Variants in BRAF observed in about 807,000 individuals in gnomAD.
BRAF encodes the protein B-Raf proto-oncogene, serine/threonine kinase.
Under a neutral mutation model 104.6 loss-of-function variants are expected in BRAF, and 16 were observed. The observed-to-expected ratio is 0.15, with a 90% CI of 0.10 to 0.23. The LOEUF (loss-of-function observed/expected upper bound fraction) is 0.23. Ranked by LOEUF, BRAF falls within the 10% of genes least tolerant of loss-of-function variation. The pLI is 1.00. For synonymous variants in BRAF, 310 were observed against 341.6 expected (o/e 0.91, Z 1.02); for missense variants, 541 against 937.3 (o/e 0.58, Z 5.52).
At chr7:140,734,838 G>C (rs1445297894) in intron 18 of BRAF, 68 bp from the exon 18 acceptor site, 3 of 1,303,148 alleles carry the variant, frequency 2.3e-6, no homozygotes, top group Non-Finnish European at 2.0e-6. Flanking sequence ...GAAAGAAAAA[G>C]AAAAAACAGA....
rs781235198 is a variant in BRAF, at chr7:140,724,047, C to T, written c.*2447G>A. 8.2e-5 allele frequency: 86 copies of T among 1,047,716 alleles called. No homozygotes were observed. Among genetic ancestry groups the T allele is most frequent in the Non-Finnish European group, 9.6e-5 (83 of 868,268 alleles). The allele number at this position is 1,047,716 out of a possible 1,614,324, so 64.9% of individuals were successfully genotyped here. ...CTATAAAAATCTCAATATGCTAAGC[C>T]TGGCTCCTGGGCACAGCTTCATTTG... On this transcript the variant is annotated 3_prime_UTR_variant, in exon 20 of 20. Transcript: ENST00000644969.
intron 14 of BRAF, among the ~76,000 whole-genome samples, chr7:140,769,429 T>C (rs1213239996): frequency 1.3e-5 from 2 of 152,226 alleles, no homozygotes; most frequent in Non-Finnish European, 2.9e-5. Flanking sequence ...ATAATCACTA[T>C]GTTACTTGAT....
intron 7 of BRAF, among the ~76,000 whole-genome samples, chr7:140,795,390 C>A: frequency 6.6e-6 from 1 of 152,170 alleles, no homozygotes; most frequent in South Asian, 2.1e-4. Context: ...TTAACTCCAT[C>A]AGGACCAATG....
At chr7:140,830,668 C>G (rs955492622) in intron 3 of BRAF, among the ~76,000 whole-genome samples, 1 of 152,070 alleles carries the variant, frequency 6.6e-6, no homozygotes, top group African/African-American at 2.4e-5. Flanking sequence ...GTGGGGAGGT[C>G]GTGGAGATTG....
At chr7:140,789,875 C>T (rs1256849402) in intron 8 of BRAF, among the ~76,000 whole-genome samples, 3 of 152,234 alleles carry the variant, frequency 2.0e-5, no homozygotes, top group Admixed American at 6.5e-5. Context: ...GGATTACAGG[C>T]GCCTGCCACC....
At position 140,760,829 on chromosome 7, in the gene BRAF, A is replaced by G. The variant is rs542570069; in HGVS notation, c.1815-6596T>C. The stretch of plus-strand genomic sequence containing the variant: ...ATGAATGAAATGAAGCGAGAAGGGA[A>G]GTTTAGAGAAAAAAGAATAAAAAGA... On this transcript the variant is annotated intron_variant, in intron 14 of 19. Transcript: ENST00000644969. 3.3e-5 allele frequency among the ~76,000 whole-genome samples: 5 copies of G among 152,284 alleles called. No homozygotes were observed. In the East Asian group the frequency reaches 7.7e-4, roughly 23 times the overall value.
chr7:140,805,233 G>C (rs1803538998), intron 5 of BRAF, among the ~76,000 whole-genome samples: 1 of 152,160 alleles, frequency 6.6e-6, no homozygotes, highest in Non-Finnish European at 1.5e-5. Context: ...AGTTTTAAAA[G>C]TGACTCTTAT....
intron 14 of BRAF, among the ~76,000 whole-genome samples, chr7:140,763,795 G>T (rs1235021547): frequency 6.6e-6 from 1 of 152,184 alleles, no homozygotes; most frequent in Non-Finnish European, 1.5e-5. Context: ...TCAAATTGTG[G>T]CAGTAATCAA....
rs1491144641 is a variant in BRAF, at chr7:140,793,503, A to AAT, written c.1140+804_1140+805insAT. ...CTAAAATTACAAAATTAAAATTTAT[A>AAT]AGTTTTTCTTTTATATTAATATTTA... On this transcript the variant is annotated intron_variant, in intron 8 of 19. Transcript: ENST00000644969. Among the ~76,000 whole-genome samples the AAT allele has an allele frequency of 1.1e-4, 16 of 152,008 alleles. No homozygotes were observed. In the South Asian group the frequency reaches 1.5e-3, roughly 14 times the overall value.
chr7:140,856,673 GATAA>G (rs1338205500), intron 1 of BRAF, among the ~76,000 whole-genome samples: 1 of 152,158 alleles, frequency 6.6e-6, no homozygotes, highest in East Asian at 1.9e-4. Flanking sequence ...AAAAGGCAGA[GATAA>G]ATGAATGGAA....
At chr7:140,866,745 G>A (rs1472068899) in intron 1 of BRAF, among the ~76,000 whole-genome samples, 1 of 151,906 alleles carries the variant, frequency 6.6e-6, no homozygotes, top group Non-Finnish European at 1.5e-5. Flanking sequence ...GCATGACCTA[G>A]TGTAAGTAAT....
intron 19 of BRAF, among the ~76,000 whole-genome samples, chr7:140,728,659 T>C (rs1279917776): frequency 6.6e-6 from 1 of 152,200 alleles, no homozygotes; most frequent in Non-Finnish European, 1.5e-5. Flanking sequence ...ACAAACATTC[T>C]TACTATTGTT....
intron 1 of BRAF, among the ~76,000 whole-genome samples, chr7:140,913,588 T>G (rs947119954): frequency 6.9e-6 from 1 of 144,420 alleles, no homozygotes; most frequent in Middle Eastern, 3.6e-3. Flanking sequence ...ATTGAAGCGA[T>G]TCTCTTGCCT....
chr7:140,924,654 G>C lies in BRAF; in HGVS notation c.50C>G (p.Ala17Gly). The C allele has an allele frequency of 7.2e-7, 1 of 1,397,084 alleles. No individual in the cohort carries two copies. Among genetic ancestry groups the C allele is most frequent in the Non-Finnish European group, 9.7e-7 (1 of 1,029,948 alleles). 86.5% of individuals were successfully genotyped at this position (1,397,084 alleles called of 1,614,324 possible). ...GGGGGAEPGQ[A>G]LFNGDMEPEA... ...GGGCTCCATGTCCCCGTTGAACAGA[G>C]CCTGGCCCGGCTCCGCGCCGCCACC... The change falls in exon 1 of 20, where the codon GCT (alanine) becomes GGT (glycine). Residue 17 changes from alanine to glycine, a missense_variant. By Grantham distance (60) the Ala-to-Gly change is moderately conservative. Around this residue, in one of 10 missense-constraint regions of BRAF, gnomAD observed 82 missense variants for 65.9 expected, o/e 1.24. Coordinates refer to ENST00000644969, the MANE Select transcript of BRAF (RefSeq NM_001374258.1). This position sits in a 1 kb window ranked among gnomAD's most constrained non-coding sequence, Gnocchi z 4.2.
intron 1 of BRAF, among the ~76,000 whole-genome samples, chr7:140,921,218 T>C (rs1818186824): frequency 6.6e-6 from 1 of 152,172 alleles, no homozygotes; most frequent in African/African-American, 2.4e-5. Flanking sequence ...TATTATACCA[T>C]ATGGTTAATT....
intron 1 of BRAF, among the ~76,000 whole-genome samples, chr7:140,866,223 T>G (rs927478811): frequency 4.6e-5 from 7 of 152,234 alleles, no homozygotes; most frequent in African/African-American, 1.7e-4. Flanking sequence ...AGTATTTTTA[T>G]GCACCATAAC....
At chr7:140,910,403 G>C (rs1816836025) in intron 1 of BRAF, among the ~76,000 whole-genome samples, 1 of 152,138 alleles carries the variant, frequency 6.6e-6, no homozygotes, top group Admixed American at 6.5e-5. Context: ...CACTTTGGTG[G>C]TTAATCACGT....
chr7:140,770,765 G>A (rs999109762), intron 14 of BRAF, among the ~76,000 whole-genome samples: 12 of 151,716 alleles, frequency 7.9e-5, no homozygotes, highest in Admixed American at 1.3e-4. Flanking sequence ...GTGAAAACCC[G>A]TTTACTAAAA....
At chr7:140,861,335 G>C (rs1267937593) in intron 1 of BRAF, among the ~76,000 whole-genome samples, 3 of 152,148 alleles carry the variant, frequency 2.0e-5, no homozygotes, top group African/African-American at 7.2e-5. Context: ...TGTTTGTTAG[G>C]TACAAAAGGC....
Sources: allele counts gnomAD v4.1 joint callset (sites outside exome capture counted in the v4.1 genomes callset), GRCh38; gene constraint gnomAD v4.1.1; regional missense constraint gnomAD v4.1.1; non-coding constraint Gnocchi (gnomAD v3.1); transcripts MANE v1.5; gene names NCBI Gene and HGNC (gene_info 2026-07-23, HGNC 2026-07-21).